Variants in PDZD2 observed in about 807,000 individuals in gnomAD.
PDZD2 encodes the protein PDZ domain containing 2.
PDZD2 carries 90 observed loss-of-function variants against 220.7 expected under a neutral mutation model. That is an observed-to-expected ratio of 0.41 (90% CI 0.34 to 0.49). The LOEUF is 0.49. PDZD2 is among the 20% of genes least tolerant of loss of function. The probability of loss-of-function intolerance (pLI) is 0.28; values close to 1 mark genes in which losing one functional copy is unlikely to be tolerated. For missense variants in PDZD2, 3,174 were observed against 3,608.5 expected, an observed-to-expected ratio of 0.88 and a Z score of 3.08; for synonymous variants, 1,375 against 1,450.5, an observed-to-expected ratio of 0.95 and a Z score of 1.18.
intron 2 of PDZD2, among the ~76,000 whole-genome samples, chr5:31,905,171 A>C (rs1184179104): frequency 6.6e-6 from 1 of 151,822 alleles, no homozygotes. Context: ...AGTAGAGAGG[A>C]GGTTTCACCA....
chr5:31,823,322 G>A (rs952134478), intron 2 of PDZD2, among the ~76,000 whole-genome samples: 1 of 151,972 alleles, frequency 6.6e-6, no homozygotes, highest in African/African-American at 2.4e-5. Flanking sequence ...AAAAAAATTA[G>A]CTTGGTATGG....
rs1342361298 is a variant in PDZD2 at position 31,946,015 on chromosome 5, C to T, written c.477-37140C>T. Among the ~76,000 whole-genome samples, 10 of 152,106 alleles carry T rather than the reference C, an allele frequency of 6.6e-5. No homozygotes were observed. The South Asian group carries it at 2.1e-3, about 32-fold the overall frequency. On this transcript the variant is annotated intron_variant, in intron 2 of 24. Transcript: ENST00000438447. ...TTTATTTTCATTTGTTTTTGTTTCT[C>T]TTTTTGAGATGGAGTCTCCCTCTGT...
intron 2 of PDZD2, chr5:31,908,832 C>T (rs770233899): frequency 1.0e-5 from 6 of 572,372 alleles, no homozygotes; most frequent in Non-Finnish European, 1.9e-5. Flanking sequence ...ATCACTTGAG[C>T]TCAGGAGTTT....
chr5:31,834,795 G>C (rs1004800500), intron 2 of PDZD2, among the ~76,000 whole-genome samples: 1 of 151,920 alleles, frequency 6.6e-6, no homozygotes, highest in Non-Finnish European at 1.5e-5. Context: ...ATGACAAGTT[G>C]ATGGGTGCAG....
chr5:31,700,922 G>GACGTCTCTGAAA lies in PDZD2; in HGVS notation c.-361+61485_-361+61486insACGTCTCTGAAA, dbSNP rs1463476674. Among the ~76,000 whole-genome samples, 7 of 152,168 alleles carry GACGTCTCTGAAA rather than the reference G, an allele frequency of 4.6e-5. No individual in the cohort carries two copies. The South Asian group carries it at 6.2e-4, about 14-fold the overall frequency. On this transcript the variant is annotated intron_variant, in intron 1 of 24. Coordinates refer to ENST00000438447, the MANE Select transcript of PDZD2 (RefSeq NM_178140.4). The stretch of plus-strand genomic sequence containing the variant: ...TCAGGAGCTAGACGTCTCTGAAAGT[G>GACGTCTCTGAAA]GGCTCCCATCTCCTGGGGGGCTGTC...
At chr5:32,060,098 T>A (rs762489087) in intron 13 of PDZD2, among the ~76,000 whole-genome samples, 1 of 152,236 alleles carries the variant, frequency 6.6e-6, no homozygotes, top group Non-Finnish European at 1.5e-5. Context: ...CAAAATGGCA[T>A]TCATTGAGGT....
intron 19 of PDZD2, among the ~76,000 whole-genome samples, chr5:32,081,347 A>C (rs1741935032): frequency 6.6e-6 from 1 of 152,170 alleles, no homozygotes; most frequent in African/African-American, 2.4e-5. Flanking sequence ...GGAATGCTAG[A>C]CCAGGAACTG....
chr5:31,671,874 G>A (rs1746230037), intron 1 of PDZD2, among the ~76,000 whole-genome samples: 1 of 152,190 alleles, frequency 6.6e-6, no homozygotes, highest in Admixed American at 6.5e-5. Flanking sequence ...CCTCTCTGCT[G>A]AAGCTGCTGG....
intron 2 of PDZD2, among the ~76,000 whole-genome samples, chr5:31,894,048 C>G (rs1741306592): frequency 6.7e-6 from 1 of 148,706 alleles, no homozygotes; most frequent in African/African-American, 2.5e-5. Flanking sequence ...GCATGCGCCA[C>G]CACGCCCAGC....
intron 2 of PDZD2, among the ~76,000 whole-genome samples, chr5:31,857,079 C>T (rs62360858): frequency 0.042 from 6,373 of 152,190 alleles, 158 homozygotes; most frequent in Non-Finnish European, 0.054. Context: ...AACTCTTGGG[C>T]TGCCTCAGCA....
rs754484921 is a variant in PDZD2, at chr5:32,089,253, C to T, written c.5805C>T (p.Leu1935=). The change falls in exon 20 of 25, where the codon CTC becomes CTT. Residue 1935 remains leucine (L), a synonymous_variant. Transcript: ENST00000438447. ...KTLSKAVSQR[L]HVADHEDPDR... ...TTTCTAAGGCAGTGTCACAGCGGCT[C>T]CATGTAGCCGACCACGAGGACCCTG... The T allele has an allele frequency of 1.2e-6, 2 of 1,614,150 alleles. No individual in the cohort carries two copies. The highest frequency in any genetic ancestry group is 2.2e-5 in the East Asian group (1 of 44,880).
chr5:31,810,356 G>A (rs1003660217), intron 2 of PDZD2, among the ~76,000 whole-genome samples: 8 of 148,690 alleles, frequency 5.4e-5, no homozygotes, highest in Admixed American at 2.0e-4. Context: ...TCCGCCTCCC[G>A]GGTTCATGCA....
chr5:31,668,626 AG>A (rs1746095241), intron 1 of PDZD2, among the ~76,000 whole-genome samples: 1 of 152,218 alleles, frequency 6.6e-6, no homozygotes, highest in Non-Finnish European at 1.5e-5. Flanking sequence ...GTAATAACCC[AG>A]GAGGGGATTA....
At chr5:31,847,543 A>G in intron 2 of PDZD2, 2 of 689,538 alleles carry the variant, frequency 2.9e-6, no homozygotes, top group Non-Finnish European at 5.2e-6. Flanking sequence ...TTGGCTGACA[A>G]ATTCTGCTGC....
intron 2 of PDZD2, among the ~76,000 whole-genome samples, chr5:31,806,997 C>G (rs369466082): frequency 6.7e-6 from 1 of 149,074 alleles, no homozygotes; most frequent in African/African-American, 2.5e-5. Flanking sequence ...TGCAACGGCG[C>G]GATCTCGACT....
chr5:31,941,190 A>G (rs2150402715), intron 2 of PDZD2, among the ~76,000 whole-genome samples: 1 of 152,302 alleles, frequency 6.6e-6, no homozygotes, highest in African/African-American at 2.4e-5. Context: ...AAAAGTGTTC[A>G]TATTTTCTCT....
intron 6 of PDZD2, among the ~76,000 whole-genome samples, chr5:32,034,557 C>T (rs1755382875): frequency 1.3e-5 from 2 of 151,910 alleles, no homozygotes; most frequent in Admixed American, 6.6e-5. Context: ...AGTGGGGTTT[C>T]ACCATGTTGG....
intron 1 of PDZD2, among the ~76,000 whole-genome samples, chr5:31,656,338 T>A (rs1745551205): frequency 6.6e-6 from 1 of 152,200 alleles, no homozygotes; most frequent in Non-Finnish European, 1.5e-5. Flanking sequence ...CCGGAACACC[T>A]GGCATTTTTA....
chr5:32,070,822 C>A (rs1399767879), intron 15 of PDZD2, among the ~76,000 whole-genome samples: 1 of 152,158 alleles, frequency 6.6e-6, no homozygotes, highest in Non-Finnish European at 1.5e-5. Flanking sequence ...ATGGAGAAAC[C>A]CCATCTCTGC....
Sources: gnomAD v4.1 joint callset for allele counts (sites outside exome capture counted in the v4.1 genomes callset) on GRCh38, gnomAD v4.1.1 for gene constraint, MANE v1.5 for transcripts, NCBI Gene and HGNC (gene_info 2026-07-23, HGNC 2026-07-21) for gene names.